The following PIK3R2 variants were observed in gnomAD, a reference collection of about 807,000 sequenced individuals.
PIK3R2 encodes phosphatidylinositol 3-kinase regulatory subunit beta.
PIK3R2 carries 40 observed loss-of-function variants against 78.5 expected under a neutral mutation model. The ratio of observed to expected loss-of-function variants is 0.51; its 90% confidence interval spans 0.40 to 0.66. The LOEUF (loss-of-function observed/expected upper bound fraction) is 0.66. Ranked by LOEUF, PIK3R2 falls within the 30% of genes least tolerant of loss-of-function variation. The probability of loss-of-function intolerance (pLI) is 0.00; values close to 1 mark genes in which losing one functional copy is unlikely to be tolerated. For missense variants in PIK3R2, 880 were observed against 1,026.6 expected (o/e 0.86, Z 1.95); for synonymous variants, 473 against 457.7 (o/e 1.03, Z -0.43).
In PIK3R2 at chr19:18,156,306, G is replaced by T. The variant is rs1187857940; in HGVS notation, c.322+105G>T. On this transcript the variant is annotated intron_variant, in intron 2 of 15. Coordinates refer to ENST00000222254, the MANE Select transcript of PIK3R2 (RefSeq NM_005027.4). The surrounding 1 kb of genome is among the most constrained non-coding windows in gnomAD (Gnocchi z 4.2). ...GGGATCTCCAAGGAAGGAGGAAAAA[G>T]GACATTTGGTCATTTGACAAGTGTC... 13 of 919,634 alleles carry T rather than the reference G, an allele frequency of 1.4e-5. No individual in the cohort carries two copies. In the South Asian group the frequency reaches 2.4e-4, roughly 17 times the overall value. The allele number at this position is 919,634 out of a possible 1,614,324, so 57.0% of individuals were successfully genotyped here. A position where few individuals can be genotyped will look rare whatever the true frequency, so the allele number is the denominator to read the frequency against.
At chr19:18,154,849 G>A (rs1233070349) in intron 1 of PIK3R2, among the ~76,000 whole-genome samples, 1 of 151,910 alleles carries the variant, frequency 6.6e-6, no homozygotes, top group Non-Finnish European at 1.5e-5. Context: ...GGCAGAGGCA[G>A]GAGGACTGCT....
Position 18,156,202 on chromosome 19 carries a change from G to C in PIK3R2, c.322+1G>C. ...CCCCGTGATGGGGCCCCTGAGCCAG[G>C]TGAGCAGCAAGCAGGGGCCCTGGAA... is the stretch of plus-strand genomic sequence containing the variant. On this transcript the variant is annotated splice_donor_variant, in intron 2 of 15. Coordinates refer to ENST00000222254, the MANE Select transcript of PIK3R2 (RefSeq NM_005027.4). LOFTEE classifies it high-confidence loss of function. This position sits in a 1 kb window ranked among gnomAD's most constrained non-coding sequence, Gnocchi z 4.2. 2 of 1,468,134 alleles carry C rather than the reference G, an allele frequency of 1.4e-6. No homozygotes were observed. Among genetic ancestry groups the C allele is most frequent in the Non-Finnish European group, 1.8e-6 (2 of 1,116,304 alleles). 90.9% of individuals were successfully genotyped at this position (1,468,134 alleles called of 1,614,324 possible).
At chr19:18,165,492 C>G (rs1396879765) in intron 11 of PIK3R2, among the ~76,000 whole-genome samples, 1 of 152,124 alleles carries the variant, frequency 6.6e-6, no homozygotes. Flanking sequence ...CAAGATCACG[C>G]CACTGCTCCA....
intron 9 of PIK3R2, chr19:18,162,721 TA>T: frequency 6.7e-6 from 4 of 594,584 alleles, no homozygotes; most frequent in Non-Finnish European, 8.8e-6. Context: ...CCGTCTCTAC[TA>T]AAAAATTAAA....
chr19:18,161,902 C>A lies in PIK3R2; in HGVS notation c.816-64C>A. 1 of 1,353,232 alleles carries A rather than the reference C, an allele frequency of 7.4e-7. No homozygotes were observed. The highest frequency in any genetic ancestry group is 1.1e-6 in the Non-Finnish European group (1 of 943,556). 83.8% of individuals were successfully genotyped at this position (1,353,232 alleles called of 1,614,324 possible). On this transcript the variant is annotated intron_variant, in intron 6 of 15. Coordinates refer to ENST00000222254, the MANE Select transcript of PIK3R2 (RefSeq NM_005027.4). This position sits in a 1 kb window ranked among gnomAD's most constrained non-coding sequence, Gnocchi z 5.3. Reference sequence around the variant, plus strand: ...CCAGGCGTGCAAGCGCACGCACAATCCTGTGCACATGCGTGGGCGGACAGG... The same window carrying A: ...CCAGGCGTGCAAGCGCACGCACAATACTGTGCACATGCGTGGGCGGACAGG...
intron 1 of PIK3R2, among the ~76,000 whole-genome samples, chr19:18,154,130 G>A (rs273276): frequency 0.96 from 146,033 of 152,234 alleles, 70,069 homozygotes; most frequent in African/African-American, 0.98. Flanking sequence ...CCGTCTGCCT[G>A]TCGCGCCTTC....
Position 18,153,963 on chromosome 19 carries a change from C to T in PIK3R2, c.-424+669C>T, listed in dbSNP as rs115832198. Among the ~76,000 whole-genome samples, 716 of 152,314 alleles carry T rather than the reference C, an allele frequency of 4.7e-3. 3 individuals are homozygous for T. Among genetic ancestry groups the T allele is most frequent in the African/African-American group, 0.016 (661 of 41,572 alleles). ...CACCCGAGAATGTGGCGCCCCTCCG[C>T]CCTGCTCGGACACCTCTTGGGGTTC... On this transcript the variant is annotated intron_variant, in intron 1 of 15. Transcript: ENST00000222254.
chr19:18,164,659 A>C (rs1158073539), intron 11 of PIK3R2, among the ~76,000 whole-genome samples: 4 of 144,922 alleles, frequency 2.8e-5, no homozygotes, highest in Non-Finnish European at 4.5e-5. Context: ...TTTTTGAGAC[A>C]GTGTCTTGCT....
intron 1 of PIK3R2, among the ~76,000 whole-genome samples, chr19:18,154,984 C>T (rs1258377576): frequency 4.0e-5 from 6 of 151,162 alleles, no homozygotes; most frequent in African/African-American, 7.3e-5. Context: ...GAGGCCAAGG[C>T]GAGCAGATCA....
intron 1 of PIK3R2, among the ~76,000 whole-genome samples, chr19:18,154,721 C>T (rs2043659293): frequency 6.6e-6 from 1 of 152,074 alleles, no homozygotes; most frequent in Admixed American, 6.6e-5. Flanking sequence ...GCCTACTGCA[C>T]GGCCCTAGAT....
chr19:18,169,165 C>G lies in PIK3R2; in HGVS notation c.2058C>G (p.Tyr686Ter), dbSNP rs751527809. 1.2e-6 allele frequency: 2 copies of G among 1,609,478 alleles called. No individual in the cohort carries two copies. The highest frequency in any genetic ancestry group is 1.7e-6 in the Non-Finnish European group (2 of 1,178,820). ...GFGFAEPYNLYGSLKELVLHY... is the reference protein window; with the variant it reads ...GFGFAEPYNL ...GCTTCGCGGAGCCCTACAACCTGTA[C>G]GGGTCGCTGAAGGAGCTGGTGCTGC... is the stretch of plus-strand genomic sequence containing the variant. The change falls in exon 16 of 16, where the codon TAC (tyrosine) becomes TAG (stop). Residue 686 changes from tyrosine to a stop codon, truncating the protein, a stop_gained. Coordinates refer to ENST00000222254, the MANE Select transcript of PIK3R2 (RefSeq NM_005027.4). LOFTEE classifies it high-confidence loss of function.
At position 18,159,144 on chromosome 19, in the gene PIK3R2, CTTTTT is replaced by C. The variant is rs57543686; in HGVS notation, c.323-1312_323-1308del. ...GGAGTGAGCCACTGCGCCTGGCCTCCTTTTTTTTTTTTTTTTTTTAAATTATTTAA... is the reference window on the plus strand; with the variant it reads ...GGAGTGAGCCACTGCGCCTGGCCTCCTTTTTTTTTTTTTTAAATTATTTAA... On this transcript the variant is annotated intron_variant, in intron 2 of 15. Coordinates refer to ENST00000222254, the MANE Select transcript of PIK3R2 (RefSeq NM_005027.4). 7.8e-4 allele frequency among the ~76,000 whole-genome samples: 39 copies of C among 50,054 alleles called. 4 individuals carry two copies. The highest frequency in any genetic ancestry group is 2.5e-3 in the African/African-American group (31 of 12,600). 32.8% of individuals were successfully genotyped at this position (50,054 alleles called of 152,430 possible).
chr19:18,165,776 C>G (rs1172145791), intron 11 of PIK3R2, among the ~76,000 whole-genome samples: 1 of 152,146 alleles, frequency 6.6e-6, no homozygotes, highest in African/African-American at 2.4e-5. Context: ...CCCTGAGCCT[C>G]AGTTTCTCTG....
Position 18,167,285 on chromosome 19 carries a change from A to G in PIK3R2, c.1715A>G (p.Lys572Arg). 6.2e-7 allele frequency: 1 copy of G among 1,604,628 alleles called. No homozygotes were observed. Among genetic ancestry groups the G allele is most frequent in the Non-Finnish European group, 8.5e-7 (1 of 1,175,860 alleles). ...AAGCCGGACCTCATGCAGCTGCGCA[A>G]GATCCGAGACCAGTACCTCGTGTAA... Reference protein sequence around the residue: ...SLKPDLMQLRKIRDQYLVWLT... With the variant: ...SLKPDLMQLRRIRDQYLVWLT... The change falls in exon 13 of 16, where the codon AAG (lysine) becomes AGG (arginine). Residue 572 changes from lysine (K) to arginine (R), a missense_variant. By Grantham distance (26) the Lys-to-Arg change is conservative (BLOSUM62 2). Around this residue, in one of 3 missense-constraint regions of PIK3R2, gnomAD observed 268 missense variants for 299.1 expected, o/e 0.90. Transcript: ENST00000222254. The surrounding 1 kb of genome is among the most constrained non-coding windows in gnomAD (Gnocchi z 4.5).
intron 2 of PIK3R2, among the ~76,000 whole-genome samples, chr19:18,158,554 G>A (rs1215919310): frequency 1.3e-5 from 2 of 151,638 alleles, no homozygotes. Flanking sequence ...ATCGTTAGGG[G>A]CCAGGAGTTT....
intron 2 of PIK3R2, among the ~76,000 whole-genome samples, chr19:18,158,516 C>CAAAAAA (rs58831824): frequency 5.4e-5 from 8 of 147,628 alleles, no homozygotes; most frequent in Admixed American, 2.0e-4. Flanking sequence ...ACAACAACAA[C>CAAAAAA]AAAAAACGAG....
chr19:18,160,113 A>ATT (rs1405183903), intron 2 of PIK3R2, among the ~76,000 whole-genome samples: 6 of 152,168 alleles, frequency 3.9e-5, no homozygotes, highest in African/African-American at 1.4e-4. Flanking sequence ...TCATGTACAG[A>ATT]TTCTTGCTTT....
Position 18,169,398 on chromosome 19 carries a change from A to T in PIK3R2, c.*104A>T. The T allele has an allele frequency of 2.0e-6, 1 of 506,252 alleles. No individual in the cohort carries two copies. Among genetic ancestry groups the T allele is most frequent in the Non-Finnish European group, 3.0e-6 (1 of 329,810 alleles). The allele number at this position is 506,252 out of a possible 1,614,324, so 31.4% of individuals were successfully genotyped here. A position where few individuals can be genotyped will look rare whatever the true frequency, so the allele number is the denominator to read the frequency against. On this transcript the variant is annotated 3_prime_UTR_variant, in exon 16 of 16. Coordinates refer to ENST00000222254, the MANE Select transcript of PIK3R2 (RefSeq NM_005027.4). ...AGACCAGCCACATCCAGGGGTCCTC[A>T]TTTCTCCGGCTCTGGCTCTTGTTTG...
rs200607072 is a variant in PIK3R2, at chr19:18,168,426, C to G, written c.1737-49C>G. 28 of 766,422 alleles carry G rather than the reference C, an allele frequency of 3.7e-5. No homozygotes were observed. The highest frequency in any genetic ancestry group is 2.2e-5 in the Non-Finnish European group (9 of 411,258). The allele number at this position is 766,422 out of a possible 1,614,324, so 47.5% of individuals were successfully genotyped here. ...TCCCACCGGACAGGCCCACTGTGGG[C>G]TCAGCACCCACACAACTGCACAAGC... is the stretch of plus-strand genomic sequence containing the variant. On this transcript the variant is annotated intron_variant, in intron 13 of 15. Coordinates refer to ENST00000222254, the MANE Select transcript of PIK3R2 (RefSeq NM_005027.4). The surrounding 1 kb of genome is among the most constrained non-coding windows in gnomAD (Gnocchi z 4.1).
Sources: allele counts gnomAD v4.1 joint callset (sites outside exome capture counted in the v4.1 genomes callset), GRCh38; gene constraint gnomAD v4.1.1; regional missense constraint gnomAD v4.1.1; non-coding constraint Gnocchi (gnomAD v3.1); transcripts MANE v1.5; gene names NCBI Gene and HGNC (gene_info 2026-07-23, HGNC 2026-07-21).